Variants in METTL15 observed in about 807,000 individuals in gnomAD.
METTL15 encodes the protein 12S rRNA N(4)-cytidine methyltransferase METTL15.
METTL15 carries 34 observed loss-of-function variants against 38.3 expected under a neutral mutation model. The ratio of observed to expected loss-of-function variants is 0.89; its 90% CI spans 0.68 to 1.18. The LOEUF is 1.18. Among genes scored for constraint, METTL15 ranks in the 50% most tolerant of loss-of-function variants. METTL15 has a pLI of 0.00. For synonymous variants in METTL15, 162 were observed against 170.9 expected, an observed-to-expected ratio of 0.95 and a Z score of 0.41; for missense variants, 438 against 498.4, an observed-to-expected ratio of 0.88 and a Z score of 1.15.
At chr11:28,513,773 A>G (rs1014857761) in intron 6 of METTL15, among the ~76,000 whole-genome samples, 1 of 152,250 alleles carries the variant, frequency 6.6e-6, no homozygotes, top group Non-Finnish European at 1.5e-5. Flanking sequence ...TGCAGTAGGA[A>G]CATGCCCTTA....
intron 5 of METTL15, among the ~76,000 whole-genome samples, chr11:28,291,212 AATT>A (rs1856500232): frequency 1.3e-5 from 2 of 151,886 alleles, no homozygotes; most frequent in African/African-American, 4.8e-5. Context: ...ATGCCCGGCT[AATT>A]ATTTTTGTAT....
chr11:28,262,807 C>G (rs1030149541), intron 4 of METTL15, among the ~76,000 whole-genome samples: 6 of 152,096 alleles, frequency 3.9e-5, no homozygotes, highest in Non-Finnish European at 5.9e-5. Context: ...CCTTTTCTTG[C>G]TATTGTGGCT....
intron 6 of METTL15, among the ~76,000 whole-genome samples, chr11:28,508,702 G>A (rs558545007): frequency 5.1e-4 from 77 of 152,222 alleles, no homozygotes; most frequent in Middle Eastern, 3.4e-3. Context: ...TGCCTACTTG[G>A]TTTAATTCTG....
chr11:28,368,229 A>G (rs973609627), intron 5 of METTL15, among the ~76,000 whole-genome samples: 34 of 151,950 alleles, frequency 2.2e-4, no homozygotes, highest in African/African-American at 8.2e-4. Context: ...ACAGAATGGG[A>G]GAAAAGTTTT....
At chr11:28,444,062 A>G (rs1359659810) in intron 6 of METTL15, among the ~76,000 whole-genome samples, 1 of 152,184 alleles carries the variant, frequency 6.6e-6, no homozygotes, top group Non-Finnish European at 1.5e-5. Flanking sequence ...CTCAATTATC[A>G]TTACATGGGG....
intron 6 of METTL15, among the ~76,000 whole-genome samples, chr11:28,428,376 T>G (rs1337806197): frequency 6.6e-6 from 1 of 152,218 alleles, no homozygotes; most frequent in African/African-American, 2.4e-5. Context: ...TGTGGTCTAT[T>G]GTCGACCAAA....
chr11:28,500,466 C>T (rs1851573032), intron 6 of METTL15, among the ~76,000 whole-genome samples: 1 of 152,080 alleles, frequency 6.6e-6, no homozygotes, highest in African/African-American at 2.4e-5. Flanking sequence ...ATGAATTTCT[C>T]CTGTATTCTG....
chr11:28,226,443 G>A (rs1269271758), intron 4 of METTL15, among the ~76,000 whole-genome samples: 2 of 151,888 alleles, frequency 1.3e-5, no homozygotes, highest in Non-Finnish European at 2.9e-5. Context: ...TATAATTAGA[G>A]AGTTACAAAA....
rs2133469808 is a variant in METTL15 at position 28,477,841 on chromosome 11, C to A, written c.*425-48637C>A. On this transcript the variant is annotated intron_variant and NMD_transcript_variant, in intron 6 of 7. Transcript: ENST00000532947. Reference sequence around the variant, plus strand: ...TCTTCAATATTTATTTGTTTTTTAACCTAAAATTTTTCTGTATGGTATTTT... The same window carrying A: ...TCTTCAATATTTATTTGTTTTTTAAACTAAAATTTTTCTGTATGGTATTTT... 2.0e-5 allele frequency among the ~76,000 whole-genome samples: 3 copies of A among 152,162 alleles called. 1 individual carries two copies. In the South Asian group the frequency reaches 6.2e-4, roughly 32 times the overall value.
At chr11:28,226,669 A>G (rs1853492202) in intron 4 of METTL15, among the ~76,000 whole-genome samples, 1 of 151,952 alleles carries the variant, frequency 6.6e-6, no homozygotes, top group Non-Finnish European at 1.5e-5. Context: ...ACACCACTAC[A>G]ATATTATTCA....
chr11:28,210,087 G>T (rs1376503973), intron 3 of METTL15, among the ~76,000 whole-genome samples: 1 of 151,924 alleles, frequency 6.6e-6, no homozygotes, highest in Non-Finnish European at 1.5e-5. Flanking sequence ...TGTTTCTTAT[G>T]ATCCAGGTCT....
At chr11:28,397,017 T>C (rs1401071173) in intron 5 of METTL15, among the ~76,000 whole-genome samples, 6 of 152,012 alleles carry the variant, frequency 3.9e-5, no homozygotes, top group African/African-American at 1.2e-4. Context: ...ATAAATGGTG[T>C]TGGGAAAACT....
chr11:28,513,919 T>C (rs189230385), intron 6 of METTL15, among the ~76,000 whole-genome samples: 36 of 152,352 alleles, frequency 2.4e-4, no homozygotes, highest in Non-Finnish European at 2.4e-4. Flanking sequence ...ATGACCATCA[T>C]GAACATGTCA....
At chr11:28,338,917 A>G (rs895281539) in intron 3 of METTL15, among the ~76,000 whole-genome samples, 1 of 152,142 alleles carries the variant, frequency 6.6e-6, no homozygotes, top group Non-Finnish European at 1.5e-5. Flanking sequence ...GGAATGAAAA[A>G]GATCTTGGAG....
chr11:28,487,673 C>T (rs2133478907), intron 6 of METTL15, among the ~76,000 whole-genome samples: 1 of 152,108 alleles, frequency 6.6e-6, no homozygotes, highest in East Asian at 1.9e-4. Flanking sequence ...GAAACAATTG[C>T]TTAGAAGGTA....
intron 5 of METTL15, among the ~76,000 whole-genome samples, chr11:28,399,841 A>T (rs1048759853): frequency 1.3e-5 from 2 of 151,940 alleles, no homozygotes; most frequent in Non-Finnish European, 2.9e-5. Flanking sequence ...TCATTCCCAA[A>T]GTCCTTTTCT....
intron 4 of METTL15, 44 bp downstream of exon 4, chr11:28,211,242 T>G: frequency 1.9e-6 from 3 of 1,568,622 alleles, no homozygotes; most frequent in Non-Finnish European, 2.6e-6. Context: ...GGTTCTTAGT[T>G]TTACAGAGCT....
intron 4 of METTL15, among the ~76,000 whole-genome samples, chr11:28,248,512 G>A (rs1854606215): frequency 6.6e-6 from 1 of 152,052 alleles, no homozygotes; most frequent in Non-Finnish European, 1.5e-5. Flanking sequence ...TTTGCCTGAA[G>A]TGAAAGATCC....
intron 4 of METTL15, among the ~76,000 whole-genome samples, chr11:28,286,109 G>A (rs1445108910): frequency 6.6e-6 from 1 of 152,052 alleles, no homozygotes; most frequent in East Asian, 1.9e-4. Flanking sequence ...ACCTGATTGT[G>A]GGGTCTGACA....
Sources: allele counts gnomAD v4.1 joint callset (sites outside exome capture counted in the v4.1 genomes callset), GRCh38; gene constraint gnomAD v4.1.1; transcripts MANE v1.5; gene names NCBI Gene and HGNC (gene_info 2026-07-23, HGNC 2026-07-21).